The following CHN2 variants were observed in gnomAD, a reference collection of about 807,000 sequenced individuals.
CHN2 encodes the protein chimerin 2.
CHN2 carries 35 observed loss-of-function variants against 56.3 expected under a neutral mutation model. That is an observed-to-expected ratio of 0.62 (90% CI 0.47 to 0.82). The LOEUF (loss-of-function observed/expected upper bound fraction) is 0.82, where lower values mean the gene tolerates loss of function less well. CHN2 is among the 40% of genes least tolerant of loss of function. The pLI is 0.00. For missense variants in CHN2, 491 were observed against 580.5 expected (o/e 0.85, Z 1.58); for synonymous variants, 210 against 212.8 (o/e 0.99, Z 0.12).
At chr7:29,146,904 A>G in exon 2 of CHN2, 1 of 1,551,170 alleles carries the variant, frequency 6.4e-7, no homozygotes, top group Non-Finnish European at 8.7e-7. Flanking sequence ...TTTGATTCCC[A>G]CTGTTTAAAA....
chr7:29,343,546 G>A (rs1797201694), intron 1 of CHN2, among the ~76,000 whole-genome samples: 1 of 152,148 alleles, frequency 6.6e-6, no homozygotes, highest in Non-Finnish European at 1.5e-5. Context: ...AAACCCCCAT[G>A]TTGCTGCAGC....
At chr7:29,241,077 G>C (rs1002634562) in intron 1 of CHN2, among the ~76,000 whole-genome samples, 3 of 152,116 alleles carry the variant, frequency 2.0e-5, no homozygotes, top group East Asian at 1.9e-4. Context: ...GTAGAAACAG[G>C]GTTTCACCAT....
intron 3 of CHN2, among the ~76,000 whole-genome samples, chr7:29,373,940 A>C (rs1242687701): frequency 6.6e-6 from 1 of 152,078 alleles, no homozygotes; most frequent in South Asian, 2.1e-4. Flanking sequence ...AACAAAGTGC[A>C]TTTGGGGGAA....
chr7:29,164,269 T>C (rs1215906917), intron 2 of CHN2, among the ~76,000 whole-genome samples: 2 of 152,210 alleles, frequency 1.3e-5, no homozygotes, highest in African/African-American at 2.4e-5. Flanking sequence ...TTTTATGTGC[T>C]TATTTCCTGT....
At chr7:29,248,262 C>T (rs761924236) in intron 1 of CHN2, among the ~76,000 whole-genome samples, 2 of 152,316 alleles carry the variant, frequency 1.3e-5, no homozygotes, top group South Asian at 2.1e-4. Context: ...CATGTGCTAT[C>T]GGACCAGAGA....
rs1455005207 is a variant in CHN2 at position 29,480,299 on chromosome 7, G to T, written c.597G>T (p.Arg199Ser). ...CACAGATCTCCTCCCTGGTTCGAAG[G>T]GCTGCCCTCACACACAACGACAACC... is the stretch of plus-strand genomic sequence containing the variant. Reference protein sequence around the residue: ...AVEKISSLVRRAALTHNDNHF... With the variant: ...AVEKISSLVRSAALTHNDNHF... Residue 199 changes from arginine to serine, a missense_variant, in exon 7 of 13, where the codon AGG becomes AGT. Physicochemically the swap from Arg to Ser is moderately radical, Grantham distance 110. Transcript: ENST00000222792. 6.2e-7 allele frequency: 1 copy of T among 1,614,106 alleles called. No individual in the cohort carries two copies. The highest frequency in any genetic ancestry group is 2.2e-5 in the East Asian group (1 of 44,880).
intron 6 of CHN2, among the ~76,000 whole-genome samples, chr7:29,471,019 T>C (rs1260010204): frequency 6.6e-6 from 1 of 152,218 alleles, no homozygotes; most frequent in East Asian, 1.9e-4. Context: ...TAGCTGCTTC[T>C]CCCTTAGGTT....
At chr7:29,245,946 A>C (rs1018751420) in intron 1 of CHN2, among the ~76,000 whole-genome samples, 10 of 152,222 alleles carry the variant, frequency 6.6e-5, no homozygotes, top group Non-Finnish European at 1.3e-4. Context: ...GGCTCTGTGC[A>C]CATAGGCAAA....
intron 2 of CHN2, among the ~76,000 whole-genome samples, chr7:29,361,584 C>T (rs559519311): frequency 1.3e-5 from 2 of 152,154 alleles, no homozygotes; most frequent in Non-Finnish European, 2.9e-5. Flanking sequence ...GTTTGCCTTC[C>T]CCTTCCCTCC....
chr7:29,155,821 C>T (rs778103686), intron 2 of CHN2, among the ~76,000 whole-genome samples: 18 of 152,022 alleles, frequency 1.2e-4, no homozygotes, highest in Non-Finnish European at 2.5e-4. Context: ...TTCTAGGCCT[C>T]AGGACACCTG....
intron 1 of CHN2, among the ~76,000 whole-genome samples, chr7:29,215,009 C>T (rs1785230789): frequency 6.6e-6 from 1 of 152,106 alleles, no homozygotes; most frequent in Non-Finnish European, 1.5e-5. Context: ...CAGCTACTAG[C>T]AGAGACACTG....
At position 29,509,505 on chromosome 7, in the gene CHN2, G is replaced by A. The variant is rs1791019007; in HGVS notation, c.1235+99G>A. On this transcript the variant is annotated intron_variant, in intron 12 of 12. Transcript: ENST00000222792. Reference sequence around the variant, plus strand: ...TTCCTCCCCAGCCATAACTGCTGGAGTTTCACTGTGCCAGGAACCACTCCA... The same window carrying A: ...TTCCTCCCCAGCCATAACTGCTGGAATTTCACTGTGCCAGGAACCACTCCA... The A allele has an allele frequency of 8.8e-6, 8 of 905,594 alleles. No homozygotes were observed. The South Asian group carries it at 1.2e-4, about 13-fold the overall frequency. 56.1% of individuals were successfully genotyped at this position (905,594 alleles called of 1,614,324 possible).
intron 3 of CHN2, among the ~76,000 whole-genome samples, chr7:29,374,143 C>T (rs1234923105): frequency 2.0e-5 from 3 of 152,132 alleles, no homozygotes; most frequent in Non-Finnish European, 4.4e-5. Context: ...CTCTGCTTGT[C>T]TCTTTTTTTC....
chr7:29,492,403 A>G (rs1562655607), intron 7 of CHN2, among the ~76,000 whole-genome samples: 1 of 151,774 alleles, frequency 6.6e-6, no homozygotes, highest in African/African-American at 2.4e-5. Flanking sequence ...TAATCTGAAT[A>G]TTTTGTGTCT....
intron 1 of CHN2, among the ~76,000 whole-genome samples, chr7:29,244,988 T>C (rs1037088639): frequency 5.3e-5 from 8 of 152,302 alleles, no homozygotes; most frequent in African/African-American, 1.9e-4. Flanking sequence ...AATTTCTTAT[T>C]CATACTGGCC....
At chr7:29,484,274 A>T (rs1033907301) in intron 7 of CHN2, among the ~76,000 whole-genome samples, 13 of 152,240 alleles carry the variant, frequency 8.5e-5, no homozygotes, top group Non-Finnish European at 2.9e-5. Context: ...TTTAGATTTC[A>T]CACATTTTTC....
At chr7:29,162,553 T>C (rs1400700213) in intron 2 of CHN2, among the ~76,000 whole-genome samples, 4 of 149,580 alleles carry the variant, frequency 2.7e-5, no homozygotes, top group Non-Finnish European at 4.4e-5. Context: ...CCCAACTACT[T>C]GGGAGGCTGA....
intron 2 of CHN2, among the ~76,000 whole-genome samples, chr7:29,365,517 A>G (rs1405290661): frequency 6.6e-6 from 1 of 152,236 alleles, no homozygotes; most frequent in Admixed American, 6.5e-5. Context: ...AGAGATGTCA[A>G]GAAAGACTCC....
At chr7:29,248,475 G>A (rs1233199620) in intron 1 of CHN2, among the ~76,000 whole-genome samples, 1 of 152,158 alleles carries the variant, frequency 6.6e-6, no homozygotes, top group East Asian at 1.9e-4. Context: ...TCACCCGGAT[G>A]GCCATGATCA....
Sources: gnomAD v4.1 joint callset for allele counts (sites outside exome capture counted in the v4.1 genomes callset) on GRCh38, gnomAD v4.1.1 for gene constraint, MANE v1.5 for transcripts, NCBI Gene and HGNC (gene_info 2026-07-23, HGNC 2026-07-21) for gene names.